The following TMC3 variants were observed in gnomAD, a reference collection of about 807,000 sequenced individuals.
The protein encoded by TMC3 is transmembrane channel like 3.
A neutral mutation model predicts 110.6 loss-of-function variants in TMC3; 98 were observed. The ratio of observed to expected loss-of-function variants is 0.89; its 90% CI spans 0.75 to 1.05. The LOEUF (loss-of-function observed/expected upper bound fraction) is 1.05, where lower values mean the gene tolerates loss of function less well. Among genes scored for constraint, TMC3 ranks in the 50% least tolerant of loss-of-function variants. TMC3 has a pLI of 0.00. For synonymous variants in TMC3, 489 were observed against 513.1 expected (o/e 0.95, Z 0.63); for missense variants, 1,319 against 1,373.2 (o/e 0.96, Z 0.62).
chr15:81,365,956 G>C (rs573428628), intron 3 of TMC3, among the ~76,000 whole-genome samples: 1 of 152,016 alleles, frequency 6.6e-6, no homozygotes, highest in South Asian at 2.1e-4. Context: ...TGTTAGATAT[G>C]TGATACATGC....
chr15:81,368,207 A>G, intron 3 of TMC3, 46 bp downstream of exon 3: 3 of 1,422,610 alleles, frequency 2.1e-6, no homozygotes, highest in Non-Finnish European at 3.0e-6. Flanking sequence ...CACTGGGATT[A>G]CAGGTGTGAG....
At chr15:81,371,405 G>T (rs2141429260) in intron 2 of TMC3, among the ~76,000 whole-genome samples, 1 of 152,326 alleles carries the variant, frequency 6.6e-6, no homozygotes, top group Non-Finnish European at 1.5e-5. Context: ...CCTAATACAT[G>T]GTTGATGTGG....
intron 20 of TMC3, chr15:81,335,480 T>C (rs1327121871): frequency 6.3e-6 from 1 of 158,108 alleles, no homozygotes; most frequent in Non-Finnish European, 1.4e-5. Context: ...AAATAAGCGA[T>C]GACGATTACA....
chr15:81,373,312 G>C (rs948657629), intron 1 of TMC3, among the ~76,000 whole-genome samples: 4 of 152,098 alleles, frequency 2.6e-5, no homozygotes. Context: ...AAATTTACAT[G>C]GGTGAGATAT....
At chr15:81,371,819 AG>A (rs1286090343) in intron 2 of TMC3, among the ~76,000 whole-genome samples, 1 of 152,248 alleles carries the variant, frequency 6.6e-6, no homozygotes, top group African/African-American at 2.4e-5. Context: ...AGTAGGTCTG[AG>A]AGCAATCAGG....
chr15:81,368,281 G>T lies in TMC3; in HGVS notation c.284C>A (p.Thr95Asn), dbSNP rs1431775250. 1.9e-6 allele frequency: 3 copies of T among 1,613,638 alleles called. No individual in the cohort carries two copies. The highest frequency in any genetic ancestry group is 1.1e-5 in the South Asian group (1 of 91,070). The change falls in exon 3 of 22, where the codon ACC becomes AAC. Residue 95 changes from threonine to asparagine, a missense_variant. Thr to Asn is a moderately conservative substitution (Grantham distance 65). Transcript: ENST00000359440. ...VLKFEGRLTRTRGYQAAGAEL... is the reference protein window; with the variant it reads ...VLKFEGRLTRNRGYQAAGAEL... ...TGCACCTGCTGCTTGGTAGCCTCGG[G>T]TCCTGGTCAGCCTCCCTTCAAACTT... is the stretch of plus-strand genomic sequence containing the variant.
intron 7 of TMC3, among the ~76,000 whole-genome samples, chr15:81,357,864 T>C (rs1894099589): frequency 6.6e-6 from 1 of 152,222 alleles, no homozygotes; most frequent in Non-Finnish European, 1.5e-5. Context: ...AGGCCCAATA[T>C]AGGACCTAGT....
chr15:81,345,893 A>G (rs951157917), intron 12 of TMC3, among the ~76,000 whole-genome samples: 1 of 151,958 alleles, frequency 6.6e-6, no homozygotes, highest in African/African-American at 2.4e-5. Context: ...GAAAAAAAAA[A>G]AGGTGGACAC....
At position 81,368,289 on chromosome 15, in the gene TMC3, C is replaced by A; in HGVS notation, c.276G>T (p.Leu92=). 1 of 1,613,722 alleles carries A rather than the reference C, an allele frequency of 6.2e-7. No homozygotes were observed. Among genetic ancestry groups the A allele is most frequent in the South Asian group, 1.1e-5 (1 of 91,058 alleles). ...CTGCTTGGTAGCCTCGGGTCCTGGTCAGCCTCCCTTCAAACTTCAGCACAA... is the reference window on the plus strand; with the variant it reads ...CTGCTTGGTAGCCTCGGGTCCTGGTAAGCCTCCCTTCAAACTTCAGCACAA... The part of the protein sequence containing the change: ...KNIVLKFEGR[L]TRTRGYQAAG... Residue 92 remains leucine (L), a synonymous_variant, in exon 3 of 22, where the codon CTG becomes CTT. Coordinates refer to ENST00000359440, the MANE Select transcript of TMC3 (RefSeq NM_001080532.3).
At chr15:81,363,964 C>G (rs1401482795) in intron 3 of TMC3, among the ~76,000 whole-genome samples, 2 of 152,202 alleles carry the variant, frequency 1.3e-5, no homozygotes. Flanking sequence ...GACCTGAGTT[C>G]TAGCTCTAAT....
chr15:81,332,361 T>C lies in TMC3; in HGVS notation c.*58A>G. On this transcript the variant is annotated 3_prime_UTR_variant, in exon 22 of 22. Coordinates refer to ENST00000359440, the MANE Select transcript of TMC3 (RefSeq NM_001080532.3). The stretch of plus-strand genomic sequence containing the variant: ...TTTTTCCAGAAAGGGAGATGCCATG[T>C]GCTGGCCCAGCACTCCAACAGGGGC... The C allele has an allele frequency of 6.6e-7, 1 of 1,521,072 alleles. No individual in the cohort carries two copies. The highest frequency in any genetic ancestry group is 1.3e-5 in the South Asian group (1 of 75,762). The allele number at this position is 1,521,072 out of a possible 1,614,324, so 94.2% of individuals were successfully genotyped here.
At chr15:81,349,654 T>G in intron 10 of TMC3, 87 bp from the exon 11 acceptor site, 1 of 721,016 alleles carries the variant, frequency 1.4e-6, no homozygotes, top group South Asian at 5.0e-5. Flanking sequence ...TTCCCTAATA[T>G]TGGATCAGTG....
At chr15:81,343,072 G>A in intron 15 of TMC3, 2 of 501,130 alleles carry the variant, frequency 4.0e-6, no homozygotes, top group Non-Finnish European at 7.1e-6. Flanking sequence ...GCTTAAACAT[G>A]GATTATTTTC....
intron 3 of TMC3, 52 bp from the exon 4 acceptor site, chr15:81,362,353 G>A: frequency 7.0e-7 from 1 of 1,432,082 alleles, no homozygotes; most frequent in Non-Finnish European, 9.7e-7. Flanking sequence ...AGATGGCAAT[G>A]GCTGTGCAGT....
chr15:81,342,034 G>A (rs895402910), intron 15 of TMC3, among the ~76,000 whole-genome samples: 15 of 152,210 alleles, frequency 9.9e-5, no homozygotes, highest in African/African-American at 3.6e-4. Flanking sequence ...CAGATATGGG[G>A]AAACCAAAGA....
intron 9 of TMC3, 150 bp from the exon 10 acceptor site, chr15:81,351,991 C>A (rs1244495194): frequency 1.1e-5 from 10 of 871,496 alleles, no homozygotes; most frequent in Non-Finnish European, 1.4e-5. Context: ...CCCACCCCAC[C>A]CAGCACCCTA....
In TMC3 at chr15:81,332,906, G is replaced by A; in HGVS notation, c.2816C>T (p.Pro939Leu). 6.2e-7 allele frequency: 1 copy of A among 1,613,198 alleles called. No individual in the cohort carries two copies. The highest frequency in any genetic ancestry group is 1.7e-4 in the Middle Eastern group (1 of 6,060). ...CTCCTCCTCTTCTTCACTCAGCTGT[G>A]GGGAGGGAGGCTGGCGGGGGACCCG... ...ASRVPRQPPS[P>L]QLSEEEEETP... Residue 939 changes from proline to leucine, a missense_variant, in exon 22 of 22, where the codon CCA becomes CTA. Coordinates refer to ENST00000359440, the MANE Select transcript of TMC3 (RefSeq NM_001080532.3).
rs1343173552 is a variant in TMC3 at position 81,334,818 on chromosome 15, G to A, written c.2361C>T (p.Val787=). Residue 787 remains valine, a synonymous_variant, in exon 21 of 22, where the codon GTC becomes GTT. Coordinates refer to ENST00000359440, the MANE Select transcript of TMC3 (RefSeq NM_001080532.3). ...TCGGGCTCTGGGGCATGGACTGTGC[G>A]ACTGTCTCTATCCTGCCACTCTTGC... ...GSSKSGRIET[V]AQSMPQSPRP... is the part of the protein sequence containing the mutation. 1.5e-5 allele frequency: 25 copies of A among 1,613,900 alleles called. No homozygotes were observed. Among genetic ancestry groups the A allele is most frequent in the Non-Finnish European group, 2.0e-5 (24 of 1,179,900 alleles).
chr15:81,370,152 C>T (rs1894402506), intron 2 of TMC3, among the ~76,000 whole-genome samples: 1 of 152,166 alleles, frequency 6.6e-6, no homozygotes, highest in South Asian at 2.1e-4. Flanking sequence ...TTGCTTCCTA[C>T]AGGGGAAACA....
Sources: allele counts gnomAD v4.1 joint callset (sites outside exome capture counted in the v4.1 genomes callset), GRCh38; gene constraint gnomAD v4.1.1; transcripts MANE v1.5; gene names NCBI Gene and HGNC (gene_info 2026-07-23, HGNC 2026-07-21).